NRXN1: variants seen among roughly 807,000 people sequenced by gnomAD.
NRXN1 encodes the protein neurexin-1.
A neutral mutation model predicts 150.9 loss-of-function variants in NRXN1; 39 were observed. The ratio of observed to expected loss-of-function variants is 0.26; its 90% CI spans 0.20 to 0.34. The LOEUF (loss-of-function observed/expected upper bound fraction) is 0.34, where lower values mean the gene tolerates loss of function less well. Ranked by LOEUF, NRXN1 falls within the 10% of genes least tolerant of loss-of-function variation. The pLI is 1.00. For synonymous variants in NRXN1, 924 were observed against 757.0 expected, an observed-to-expected ratio of 1.22 and a Z score of -3.62; for missense variants, 1,815 against 1,949.9, an observed-to-expected ratio of 0.93 and a Z score of 1.30.
intron 17 of NRXN1, among the ~76,000 whole-genome samples, chr2:50,383,758 T>G (rs2081131593): frequency 6.6e-6 from 1 of 152,170 alleles, no homozygotes. Flanking sequence ...AAATTAAAAT[T>G]CTTGAGCGGA....
At chr2:50,455,741 TCTGA>T (rs1422013721) in intron 17 of NRXN1, among the ~76,000 whole-genome samples, 1 of 152,202 alleles carries the variant, frequency 6.6e-6, no homozygotes, top group Non-Finnish European at 1.5e-5. Flanking sequence ...ACTGTCTTAC[TCTGA>T]CTGTGCAATG....
intron 8 of NRXN1, among the ~76,000 whole-genome samples, chr2:50,583,551 T>C (rs1037684345): frequency 1.2e-4 from 19 of 152,178 alleles, no homozygotes; most frequent in Non-Finnish European, 2.9e-5. Flanking sequence ...GACTACATCA[T>C]GTTAATTTTT....
At chr2:50,450,459 C>G (rs1157370201) in intron 17 of NRXN1, among the ~76,000 whole-genome samples, 3 of 151,610 alleles carry the variant, frequency 2.0e-5, no homozygotes, top group Non-Finnish European at 4.4e-5. Context: ...AAAATCCCTT[C>G]TATCCTGGGT....
At chr2:50,199,585 T>A (rs56254849) in intron 18 of NRXN1, among the ~76,000 whole-genome samples, 2,934 of 151,618 alleles carry the variant, frequency 0.019, 101 homozygotes, top group African/African-American at 0.068. Context: ...CTGACATTAA[T>A]AAGTCAGTAA....
chr2:50,858,961 A>G (rs1326201951), intron 5 of NRXN1, among the ~76,000 whole-genome samples: 4 of 152,098 alleles, frequency 2.6e-5, no homozygotes, highest in Non-Finnish European at 4.4e-5. Context: ...ACTGAGAGAT[A>G]AAGTTTTGAT....
intron 17 of NRXN1, among the ~76,000 whole-genome samples, chr2:50,252,002 T>G (rs1242562409): frequency 6.6e-6 from 1 of 152,072 alleles, no homozygotes; most frequent in Admixed American, 6.6e-5. Flanking sequence ...ACTCTGATGA[T>G]AGTTTCTTTT....
At chr2:50,925,715 T>C (rs1226186818) in intron 3 of NRXN1, among the ~76,000 whole-genome samples, 1 of 151,932 alleles carries the variant, frequency 6.6e-6, no homozygotes, top group Non-Finnish European at 1.5e-5. Context: ...TATGGGATGC[T>C]GAGGTCTAAC....
At chr2:50,506,668 A>C in intron 12 of NRXN1, 51 bp from the exon 13 acceptor site, 2 of 1,598,158 alleles carry the variant, frequency 1.3e-6, no homozygotes, top group South Asian at 2.2e-5. Flanking sequence ...CAGTCAAGCA[A>C]ATGAACCTCA....
At chr2:50,407,387 A>G (rs1052933794) in intron 17 of NRXN1, among the ~76,000 whole-genome samples, 19 of 152,168 alleles carry the variant, frequency 1.2e-4, no homozygotes, top group Admixed American at 9.8e-4. Context: ...CTCTCTGCAT[A>G]TGTAAACTAC....
At chr2:50,852,207 T>A (rs1290243627) in intron 5 of NRXN1, among the ~76,000 whole-genome samples, 1 of 152,170 alleles carries the variant, frequency 6.6e-6, no homozygotes, top group Non-Finnish European at 1.5e-5. Flanking sequence ...CACTAGTCAC[T>A]CATAGCTTTA....
At chr2:50,559,073 C>G (rs994696656) in intron 8 of NRXN1, among the ~76,000 whole-genome samples, 1 of 151,856 alleles carries the variant, frequency 6.6e-6, no homozygotes, top group African/African-American at 2.4e-5. Context: ...CAGAGTGAGA[C>G]TCCGTCTCAA....
chr2:50,932,612 T>C lies in NRXN1; in HGVS notation c.773-6657A>G, dbSNP rs189562520. Among the ~76,000 whole-genome samples, 9 of 152,092 alleles carry C rather than the reference T, an allele frequency of 5.9e-5. No individual in the cohort carries two copies. In the East Asian group the frequency reaches 1.8e-3, roughly 30 times the overall value. On this transcript the variant is annotated intron_variant, in intron 2 of 22. Coordinates refer to ENST00000401669, the MANE Select transcript of NRXN1 (RefSeq NM_001330078.2). Reference sequence around the variant, plus strand: ...CAGGAGAGGAGTAAGGGATACAAGATACACATTAGGTACAGTGTACACTGC... The same window carrying C: ...CAGGAGAGGAGTAAGGGATACAAGACACACATTAGGTACAGTGTACACTGC...
At position 49,975,814 on chromosome 2, in the gene NRXN1, A is replaced by G. The variant is rs201414300; in HGVS notation, c.4129-32023T>C. On this transcript the variant is annotated intron_variant, in intron 21 of 22. Coordinates refer to ENST00000401669, the MANE Select transcript of NRXN1 (RefSeq NM_001330078.2). ...CACCTTAATCACTGATAGTAAACTG[A>G]GTAGATAAACTATGATACAGCCTTA... Among the ~76,000 whole-genome samples the G allele has an allele frequency of 1.6e-4, 25 of 152,254 alleles. No homozygotes were observed. The East Asian group carries it at 4.6e-3, about 28-fold the overall frequency.
intron 2 of NRXN1, among the ~76,000 whole-genome samples, chr2:50,977,060 G>A (rs1695956745): frequency 2.0e-5 from 3 of 151,872 alleles, no homozygotes; most frequent in Admixed American, 1.3e-4. Flanking sequence ...CAGAATTATA[G>A]AGAGGGAGAA....
chr2:50,596,697 C>T lies in NRXN1; in HGVS notation c.1320+23325G>A, dbSNP rs190730655. 1.4e-3 allele frequency among the ~76,000 whole-genome samples: 211 copies of T among 152,128 alleles called. No individual in the cohort carries two copies. In the Middle Eastern group the frequency reaches 0.02, roughly 15 times the overall value. On this transcript the variant is annotated intron_variant, in intron 8 of 22. Transcript: ENST00000401669. ...AGCAGAACAGATGGTGAGGTTTGCCCGTTCTCCCTTGGAGAAGGGACCCAT... is the reference window on the plus strand; with the variant it reads ...AGCAGAACAGATGGTGAGGTTTGCCTGTTCTCCCTTGGAGAAGGGACCCAT...
chr2:50,413,982 C>T lies in NRXN1; in HGVS notation c.3364+51460G>A, dbSNP rs1445681722. ...TATTTGTGGGATCTGAAAATCAAAA[C>T]AATTGAACTCATGGACATAGAGAGT... On this transcript the variant is annotated intron_variant, in intron 17 of 22. Transcript: ENST00000401669. 7.3e-5 allele frequency among the ~76,000 whole-genome samples: 10 copies of T among 136,120 alleles called. No individual in the cohort carries two copies. The Admixed American group carries it at 7.7e-4, about 10-fold the overall frequency. 89.3% of individuals were successfully genotyped at this position (136,120 alleles called of 152,430 possible). A position where few individuals can be genotyped will look rare whatever the true frequency, so the allele number is the denominator to read the frequency against.
chr2:50,484,511 G>T lies in NRXN1; in HGVS notation c.3070+11394C>A, dbSNP rs142678019. Among the ~76,000 whole-genome samples the T allele has an allele frequency of 1.5e-3, 233 of 152,288 alleles. 2 individuals are homozygous for T. Among genetic ancestry groups the T allele is most frequent in the South Asian group, 5.2e-3 (25 of 4,814 alleles). ...AGGCTAAGGAAATTAAGGGCTTTGA[G>T]AGCTGAATGAGCCTGCAAGTAGCCA... On this transcript the variant is annotated intron_variant, in intron 15 of 22. Coordinates refer to ENST00000401669, the MANE Select transcript of NRXN1 (RefSeq NM_001330078.2).
At chr2:50,429,657 C>CT (rs1027162229) in intron 17 of NRXN1, among the ~76,000 whole-genome samples, 8 of 152,020 alleles carry the variant, frequency 5.3e-5, no homozygotes, top group African/African-American at 1.7e-4. Context: ...AAAATAATAT[C>CT]TTTTTTTACA....
chr2:50,635,760 G>A (rs1161387694), intron 5 of NRXN1, among the ~76,000 whole-genome samples: 1 of 152,190 alleles, frequency 6.6e-6, no homozygotes, highest in Non-Finnish European at 1.5e-5. Context: ...TGCTTAGGTA[G>A]ATAAGGGAGG....
Sources: allele counts gnomAD v4.1 joint callset (sites outside exome capture counted in the v4.1 genomes callset), GRCh38; gene constraint gnomAD v4.1.1; transcripts MANE v1.5; gene names NCBI Gene and HGNC (gene_info 2026-07-23, HGNC 2026-07-21).